Variants in FOXJ3 observed in about 807,000 individuals in gnomAD.
FOXJ3 encodes the protein forkhead box J3.
In FOXJ3, 22 loss-of-function variants were observed where a neutral mutation model predicts 76.1. The observed-to-expected ratio is 0.29, with a 90% CI of 0.21 to 0.41. The LOEUF (loss-of-function observed/expected upper bound fraction) is 0.41, where lower values mean the gene tolerates loss of function less well. Ranked by LOEUF, FOXJ3 falls within the 10% of genes least tolerant of loss-of-function variation. FOXJ3 has a pLI of 1.00. For missense variants in FOXJ3, 613 were observed against 762.1 expected (o/e 0.80, Z 2.30); for synonymous variants, 269 against 261.2 (o/e 1.03, Z -0.29).
chr1:42,309,631 C>G (rs956618422), intron 2 of FOXJ3, among the ~76,000 whole-genome samples: 1 of 152,138 alleles, frequency 6.6e-6, no homozygotes, highest in African/African-American at 2.4e-5. Flanking sequence ...TTGCTATGCC[C>G]CAACATTTAG....
At chr1:42,186,281 TGAAG>T (rs1439478990) in intron 11 of FOXJ3, among the ~76,000 whole-genome samples, 6 of 152,010 alleles carry the variant, frequency 3.9e-5, no homozygotes, top group Non-Finnish European at 8.8e-5. Context: ...TCAGCAGGCA[TGAAG>T]TGATGAATAC....
intron 3 of FOXJ3, among the ~76,000 whole-genome samples, chr1:42,268,287 G>A (rs1306065252): frequency 6.6e-6 from 1 of 151,844 alleles, no homozygotes; most frequent in Non-Finnish European, 1.5e-5. Flanking sequence ...CAAGCCAGAA[G>A]GCAATGGAGT....
At chr1:42,251,534 C>T (rs1282416732) in intron 4 of FOXJ3, among the ~76,000 whole-genome samples, 1 of 151,952 alleles carries the variant, frequency 6.6e-6, no homozygotes, top group East Asian at 1.9e-4. Context: ...TGTCAAAGGC[C>T]TTTTCTGCAT....
chr1:42,219,165 C>A (rs2124407810), intron 5 of FOXJ3, among the ~76,000 whole-genome samples: 1 of 152,178 alleles, frequency 6.6e-6, no homozygotes, highest in Admixed American at 6.5e-5. Flanking sequence ...CCAAAATAAC[C>A]AATTCATGTT....
At chr1:42,181,037 C>T (rs905419956) in intron 12 of FOXJ3, among the ~76,000 whole-genome samples, 1 of 152,248 alleles carries the variant, frequency 6.6e-6, no homozygotes, top group African/African-American at 2.4e-5. Flanking sequence ...CAACTCCTTC[C>T]TCACTGCTGT....
intron 1 of FOXJ3, among the ~76,000 whole-genome samples, chr1:42,330,465 A>G (rs1364871089): frequency 6.6e-6 from 1 of 151,854 alleles, no homozygotes; most frequent in Non-Finnish European, 1.5e-5. Context: ...TAGCGAAACC[A>G]CTTCTCTACA....
intron 5 of FOXJ3, among the ~76,000 whole-genome samples, chr1:42,219,885 T>C (rs543374020): frequency 2.0e-5 from 3 of 152,292 alleles, no homozygotes; most frequent in South Asian, 2.1e-4. Context: ...CAACACTGCA[T>C]TGCAGCCTGG....
chr1:42,197,326 A>T lies in FOXJ3; in HGVS notation c.759+1776T>A, dbSNP rs1249973415. ...TCGAGACCAGTTTGGCCCACTTAGC[A>T]AGATCTTGTGTCTAAAAAAAGAGAG... On this transcript the variant is annotated intron_variant, in intron 7 of 12. Transcript: ENST00000361346. Among the ~76,000 whole-genome samples the T allele has an allele frequency of 2.0e-5, 3 of 152,050 alleles. No individual in the cohort carries two copies. In the East Asian group the frequency reaches 5.8e-4, roughly 29 times the overall value.
chr1:42,218,884 A>G (rs985567331), intron 5 of FOXJ3, among the ~76,000 whole-genome samples: 4 of 152,174 alleles, frequency 2.6e-5, no homozygotes, highest in Non-Finnish European at 5.9e-5. Flanking sequence ...GTTGTTTCTC[A>G]CCATGCCAAA....
At chr1:42,327,270 T>A (rs532235282) in intron 1 of FOXJ3, among the ~76,000 whole-genome samples, 1 of 152,222 alleles carries the variant, frequency 6.6e-6, no homozygotes, top group South Asian at 2.1e-4. Flanking sequence ...ACAAGTAAGG[T>A]GTCATAGACT....
intron 4 of FOXJ3, among the ~76,000 whole-genome samples, chr1:42,241,297 T>C (rs1422750199): frequency 6.6e-6 from 1 of 152,126 alleles, no homozygotes; most frequent in Non-Finnish European, 1.5e-5. Context: ...CTGCCACCCC[T>C]AGCAGCATAG....
intron 4 of FOXJ3, 37 bp from the exon 5 acceptor site, chr1:42,228,003 G>T: frequency 9.6e-7 from 1 of 1,045,694 alleles, no homozygotes; most frequent in South Asian, 1.9e-5. Context: ...GTATATTACA[G>T]CAAACCTATG....
intron 2 of FOXJ3, among the ~76,000 whole-genome samples, chr1:42,304,122 C>A (rs1422311755): frequency 2.6e-5 from 4 of 151,702 alleles, no homozygotes; most frequent in Non-Finnish European, 5.9e-5. Context: ...AGTGAACAAT[C>A]CGAAAAAGAA....
intron 9 of FOXJ3, among the ~76,000 whole-genome samples, chr1:42,190,054 C>T (rs938398484): frequency 3.9e-5 from 6 of 152,172 alleles, no homozygotes; most frequent in African/African-American, 1.4e-4. Context: ...GATGAATCCA[C>T]GTCAGGGCAT....
chr1:42,258,305 C>A (rs1238591798), intron 4 of FOXJ3, among the ~76,000 whole-genome samples: 1 of 152,196 alleles, frequency 6.6e-6, no homozygotes, highest in South Asian at 2.1e-4. Context: ...GGATGCTGTT[C>A]CTGGTAACTG....
chr1:42,334,119 A>T (rs1656319921), intron 1 of FOXJ3: 2 of 977,416 alleles, frequency 2.0e-6, no homozygotes, highest in Non-Finnish European at 2.4e-6. Context: ...TAAAACAGAG[A>T]AATGAAAACT....
chr1:42,227,172 G>A (rs186085180), intron 5 of FOXJ3, among the ~76,000 whole-genome samples: 1 of 152,344 alleles, frequency 6.6e-6, no homozygotes, highest in East Asian at 1.9e-4. Flanking sequence ...AAATGGAAGA[G>A]AGTAAGCGAA....
At chr1:42,334,610 G>A (rs899487453) in intron 1 of FOXJ3, among the ~76,000 whole-genome samples, 4 of 152,338 alleles carry the variant, frequency 2.6e-5, no homozygotes, top group Admixed American at 1.3e-4. Flanking sequence ...GGTACAGCCC[G>A]CCCTGCCGGC....
At chr1:42,210,135 C>T (rs529670488) in intron 5 of FOXJ3, among the ~76,000 whole-genome samples, 186 of 152,248 alleles carry the variant, frequency 1.2e-3, no homozygotes, top group African/African-American at 3.9e-3. Context: ...TTGCTACACC[C>T]GATGCCCCAT....
Sources: gnomAD v4.1 joint callset for allele counts (sites outside exome capture counted in the v4.1 genomes callset) on GRCh38, gnomAD v4.1.1 for gene constraint, MANE v1.5 for transcripts, NCBI Gene and HGNC (gene_info 2026-07-23, HGNC 2026-07-21) for gene names.